The following GATAD2B variants were observed in gnomAD, a reference collection of about 807,000 sequenced individuals.
GATAD2B encodes the protein transcriptional repressor p66-beta.
Under a neutral mutation model 64.3 loss-of-function variants are expected in GATAD2B, and 8 were observed. The ratio of observed to expected loss-of-function variants is 0.12; its 90% CI spans 0.07 to 0.22. The LOEUF is 0.22. GATAD2B is among the 10% of genes least tolerant of loss of function. The pLI, the probability that GATAD2B is intolerant of heterozygous loss-of-function variation, is 1.00. For missense variants in GATAD2B, 453 were observed against 752.0 expected (o/e 0.60, Z 4.65); for synonymous variants, 281 against 271.3 (o/e 1.04, Z -0.35).
intron 1 of GATAD2B, among the ~76,000 whole-genome samples, chr1:153,848,314 T>C (rs1008065150): frequency 6.6e-6 from 1 of 152,226 alleles, no homozygotes; most frequent in African/African-American, 2.4e-5. Context: ...TTTTTCCAGG[T>C]CACTAATTAC....
intron 1 of GATAD2B, among the ~76,000 whole-genome samples, chr1:153,905,659 T>C (rs1238693081): frequency 1.3e-5 from 2 of 148,308 alleles, no homozygotes; most frequent in East Asian, 2.0e-4. Flanking sequence ...TAGCCCGGCA[T>C]AGTGGCACCT....
At chr1:153,835,414 C>T (rs1675229014) in intron 1 of GATAD2B, among the ~76,000 whole-genome samples, 1 of 151,634 alleles carries the variant, frequency 6.6e-6, no homozygotes, top group Admixed American at 6.6e-5. Context: ...CAAACTTCAT[C>T]ATCTTATTTT....
chr1:153,828,091 T>A lies in GATAD2B; in HGVS notation c.257A>T (p.His86Leu). The A allele has an allele frequency of 6.2e-7, 1 of 1,614,208 alleles. No homozygotes were observed. Among genetic ancestry groups the A allele is most frequent in the Non-Finnish European group, 8.5e-7 (1 of 1,180,024 alleles). The change falls in exon 2 of 11, where the codon CAT (histidine) becomes CTT (leucine). Residue 86 changes from histidine to leucine, a missense_variant. Coordinates refer to ENST00000368655, the MANE Select transcript of GATAD2B (RefSeq NM_020699.4). ...CCTTCCAGCAGTCCTGTTGTCTCCA[T>A]GAGGCCTGAGATTCCCGTTAAGTTT... The part of the protein sequence containing the change: ...EEKLNGNLRP[H>L]GDNRTAGRPG...
At chr1:153,857,528 T>A (rs1421734882) in intron 1 of GATAD2B, among the ~76,000 whole-genome samples, 1 of 152,116 alleles carries the variant, frequency 6.6e-6, no homozygotes, top group Non-Finnish European at 1.5e-5. Flanking sequence ...TAGGCACTAA[T>A]TAAATTAGTG....
intron 1 of GATAD2B, among the ~76,000 whole-genome samples, chr1:153,908,184 A>G (rs1678007116): frequency 6.6e-6 from 1 of 152,098 alleles, no homozygotes; most frequent in South Asian, 2.1e-4. Context: ...CAGGTTTACC[A>G]TTATCTTTTT....
intron 1 of GATAD2B, among the ~76,000 whole-genome samples, chr1:153,888,794 A>G (rs1360246038): frequency 6.6e-6 from 1 of 152,200 alleles, no homozygotes; most frequent in East Asian, 1.9e-4. Flanking sequence ...TTCCAAGAGT[A>G]GAAATCCCAG....
chr1:153,921,244 A>C (rs916916639), intron 1 of GATAD2B, among the ~76,000 whole-genome samples: 4 of 152,220 alleles, frequency 2.6e-5, no homozygotes, highest in Non-Finnish European at 4.4e-5. Flanking sequence ...TATAGGCACC[A>C]TGCTGCTGCC....
intron 1 of GATAD2B, among the ~76,000 whole-genome samples, chr1:153,863,487 C>A (rs1212286595): frequency 6.8e-6 from 1 of 147,982 alleles, no homozygotes; most frequent in Non-Finnish European, 1.5e-5. Flanking sequence ...CGACAGTGAA[C>A]CTCCGTCTCA....
chr1:153,906,134 G>A (rs1677922090), intron 1 of GATAD2B, among the ~76,000 whole-genome samples: 1 of 151,244 alleles, frequency 6.6e-6, no homozygotes, highest in Non-Finnish European at 1.5e-5. Flanking sequence ...GTGGGGCCAG[G>A]CGTGGTGGCT....
Position 153,828,032 on chromosome 1 carries a change from C to A in GATAD2B, c.316G>T (p.Asp106Tyr). 6.2e-7 allele frequency: 1 copy of A among 1,613,976 alleles called. No homozygotes were observed. The highest frequency in any genetic ancestry group is 8.5e-7 in the Non-Finnish European group (1 of 1,179,858). The change falls in exon 2 of 11, where the codon GAT (aspartate) becomes TAT (tyrosine). Residue 106 changes from aspartate (D) to tyrosine (Y), a missense_variant. Asp to Tyr is a radical substitution (Grantham distance 160, BLOSUM62 -3). Transcript: ENST00000368655. ...CCATACCTCCGTCTAGCACTCATATCCACAGGCTCATCATTGATGTTTTCT... is the reference window on the plus strand; with the variant it reads ...CCATACCTCCGTCTAGCACTCATATACACAGGCTCATCATTGATGTTTTCT... ...GKENINDEPV[D>Y]MSARRSEPER... is the part of the protein sequence containing the mutation.
chr1:153,817,494 A>G lies in GATAD2B; in HGVS notation c.778T>C (p.Leu260=), dbSNP rs772497123. ...SATNTTLPHM[L]MSQRVIAPNP... ...GGTGCAATAACACGTTGAGACATCA[A>G]CATGTGTGGAAGGGTGGTATTGGTA... is the stretch of plus-strand genomic sequence containing the variant. Residue 260 remains leucine, a synonymous_variant, in exon 6 of 11, where the codon TTG becomes CTG. Coordinates refer to ENST00000368655, the MANE Select transcript of GATAD2B (RefSeq NM_020699.4). 2 of 1,612,284 alleles carry G rather than the reference A, an allele frequency of 1.2e-6. No individual in the cohort carries two copies. Among genetic ancestry groups the G allele is most frequent in the Non-Finnish European group, 1.7e-6 (2 of 1,179,348 alleles).
chr1:153,891,379 C>T (rs1301455693), intron 1 of GATAD2B, among the ~76,000 whole-genome samples: 5 of 150,588 alleles, frequency 3.3e-5, no homozygotes, highest in Non-Finnish European at 7.4e-5. Context: ...ACCAGCCTGG[C>T]CAGCATGGTG....
chr1:153,889,434 A>C (rs541156695), intron 1 of GATAD2B, among the ~76,000 whole-genome samples: 2 of 151,044 alleles, frequency 1.3e-5, no homozygotes, highest in Admixed American at 6.6e-5. Flanking sequence ...AAAAAAAAAA[A>C]AACACACAAA....
intron 1 of GATAD2B, among the ~76,000 whole-genome samples, chr1:153,919,044 C>T (rs1196122817): frequency 6.6e-6 from 1 of 152,086 alleles, no homozygotes; most frequent in East Asian, 1.9e-4. Flanking sequence ...GCTATAATTT[C>T]CCTTAATTTC....
At chr1:153,811,442 C>T (rs1251027394) in intron 10 of GATAD2B, among the ~76,000 whole-genome samples, 1 of 152,148 alleles carries the variant, frequency 6.6e-6, no homozygotes, top group African/African-American at 2.4e-5. Flanking sequence ...GTTAACCCTG[C>T]TGTCCCGGCC....
intron 1 of GATAD2B, among the ~76,000 whole-genome samples, chr1:153,857,231 A>T (rs1025028004): frequency 6.6e-6 from 1 of 151,946 alleles, no homozygotes; most frequent in African/African-American, 2.4e-5. Flanking sequence ...GGATCACCTG[A>T]GGTCAGGAGT....
At chr1:153,875,235 T>C (rs1360557084) in intron 1 of GATAD2B, among the ~76,000 whole-genome samples, 1 of 152,082 alleles carries the variant, frequency 6.6e-6, no homozygotes, top group East Asian at 1.9e-4. Flanking sequence ...AGGTCACTTT[T>C]CTAGGAAAAA....
chr1:153,857,876 T>A (rs987951928), intron 1 of GATAD2B, among the ~76,000 whole-genome samples: 1 of 152,206 alleles, frequency 6.6e-6, no homozygotes. Flanking sequence ...CTGGAAGCAA[T>A]AAGAACTTCC....
At chr1:153,848,218 C>G (rs557924939) in intron 1 of GATAD2B, among the ~76,000 whole-genome samples, 7 of 152,320 alleles carry the variant, frequency 4.6e-5, no homozygotes, top group African/African-American at 1.7e-4. Flanking sequence ...CAAAATTCCT[C>G]AAGAGTTACC....
Sources: allele counts gnomAD v4.1 joint callset (sites outside exome capture counted in the v4.1 genomes callset), GRCh38; gene constraint gnomAD v4.1.1; transcripts MANE v1.5; gene names NCBI Gene and HGNC (gene_info 2026-07-23, HGNC 2026-07-21).